PRKN: variants seen among roughly 807,000 people sequenced by gnomAD.
The protein encoded by PRKN is E3 ubiquitin-protein ligase parkin.
In PRKN, 56 loss-of-function variants were observed where a neutral mutation model predicts 59.5. The ratio of observed to expected loss-of-function variants is 0.94; its 90% confidence interval spans 0.76 to 1.18. PRKN has a LOEUF of 1.18. PRKN is among the 50% of genes most tolerant of loss of function. The pLI is 0.00. For synonymous variants in PRKN, 250 were observed against 222.1 expected (o/e 1.13, Z -1.12); for missense variants, 657 against 596.4 (o/e 1.10, Z -1.06).
At chr6:162,235,464 T>C (rs952289606) in intron 3 of PRKN, among the ~76,000 whole-genome samples, 5 of 152,128 alleles carry the variant, frequency 3.3e-5, no homozygotes, top group African/African-American at 4.8e-5. Context: ...ATTGTCAAGA[T>C]TGAATTTTAC....
rs1201633076 is a variant in PRKN at position 161,546,535 on chromosome 6, G to C, written c.1083+2319C>G. On this transcript the variant is annotated intron_variant, in intron 9 of 11. Transcript: ENST00000366898. This position sits in a 1 kb window ranked among gnomAD's most constrained non-coding sequence, Gnocchi z 4.4. ...AAGTGTATGGAGACTGGGGCAAAAA[G>C]ACAGGGAGGGAAAGGAAGGCATACA... Among the ~76,000 whole-genome samples, 1 of 152,186 alleles carries C rather than the reference G, an allele frequency of 6.6e-6. No individual in the cohort carries two copies. Among genetic ancestry groups the C allele is most frequent in the Non-Finnish European group, 1.5e-5 (1 of 68,040 alleles).
At chr6:161,914,749 GA>G (rs2128237693) in intron 6 of PRKN, among the ~76,000 whole-genome samples, 1 of 151,922 alleles carries the variant, frequency 6.6e-6, no homozygotes, top group East Asian at 1.9e-4. Context: ...AGTGTTTGGA[GA>G]AAAAGAAAAG....
At chr6:162,665,019 G>A (rs935345640) in intron 1 of PRKN, among the ~76,000 whole-genome samples, 3 of 152,118 alleles carry the variant, frequency 2.0e-5, no homozygotes, top group South Asian at 2.1e-4. Flanking sequence ...ACTAGATATC[G>A]ATGGAACATA....
chr6:162,708,796 T>C (rs1778424356), intron 1 of PRKN, among the ~76,000 whole-genome samples: 2 of 152,198 alleles, frequency 1.3e-5, no homozygotes, highest in Non-Finnish European at 2.9e-5. Context: ...TCCCTGGGCC[T>C]ACATATCTTA....
chr6:161,701,996 C>A (rs1034655647), intron 7 of PRKN, among the ~76,000 whole-genome samples: 6 of 152,204 alleles, frequency 3.9e-5, no homozygotes, highest in African/African-American at 1.4e-4. Flanking sequence ...GATGCTACTG[C>A]ACTTTTACTT....
chr6:161,648,795 C>T (rs1297542259), intron 7 of PRKN, among the ~76,000 whole-genome samples: 2 of 152,186 alleles, frequency 1.3e-5, no homozygotes, highest in Non-Finnish European at 2.9e-5. Flanking sequence ...GAACACATTT[C>T]ACAGAATGTC....
chr6:161,516,522 A>C (rs1778605443), intron 9 of PRKN, among the ~76,000 whole-genome samples: 1 of 144,948 alleles, frequency 6.9e-6, no homozygotes, highest in Non-Finnish European at 1.5e-5. Flanking sequence ...AAGAAGAAGA[A>C]GAAGAAGAAA....
intron 7 of PRKN, among the ~76,000 whole-genome samples, chr6:161,728,442 C>A (rs765651943): frequency 6.6e-5 from 10 of 152,148 alleles, no homozygotes; most frequent in Non-Finnish European, 1.3e-4. Context: ...CAGACTCGCA[C>A]TGCACCTGCC....
chr6:162,275,139 C>CTTAATATGTTT (rs1780576035), intron 2 of PRKN: 1 of 148,230 alleles, frequency 6.7e-6, no homozygotes, highest in African/African-American at 2.5e-5. Flanking sequence ...TAGGTTTAGG[C>CTTAATATGTTT]TTAATATGTT....
rs556164449 is a variant in PRKN at position 161,463,945 on chromosome 6, G to GT, written c.1084-77069dup. Among the ~76,000 whole-genome samples, 59 of 151,922 alleles carry GT rather than the reference G, an allele frequency of 3.9e-4. No individual in the cohort carries two copies. The South Asian group carries it at 3.9e-3, about 10-fold the overall frequency. ...ACATCAACATACAGAGACCTTTAGG[G>GT]TTTTTTTTGTTTTTGTTTTTGTTTT... On this transcript the variant is annotated intron_variant, in intron 9 of 11. Transcript: ENST00000366898. This position sits in a 1 kb window ranked among gnomAD's most constrained non-coding sequence, Gnocchi z 4.8.
chr6:161,994,448 C>A (rs899429901), intron 5 of PRKN, among the ~76,000 whole-genome samples: 1 of 151,962 alleles, frequency 6.6e-6, no homozygotes, highest in Non-Finnish European at 1.5e-5. Flanking sequence ...TACTCCAATT[C>A]AACATAGTAC....
At chr6:161,766,958 T>C (rs1789448749) in intron 7 of PRKN, among the ~76,000 whole-genome samples, 1 of 152,158 alleles carries the variant, frequency 6.6e-6, no homozygotes, top group African/African-American at 2.4e-5. Context: ...AAGGAGATTA[T>C]TAGTATCAAC....
intron 7 of PRKN, among the ~76,000 whole-genome samples, chr6:161,658,708 C>T (rs1370323981): frequency 6.6e-6 from 1 of 152,036 alleles, no homozygotes; most frequent in Non-Finnish European, 1.5e-5. Flanking sequence ...AAGAAGCAGA[C>T]ATTTAAAAAA....
intron 7 of PRKN, among the ~76,000 whole-genome samples, chr6:161,653,690 T>C (rs1331019451): frequency 6.6e-6 from 1 of 152,244 alleles, no homozygotes; most frequent in Non-Finnish European, 1.5e-5. Flanking sequence ...ATATATACTA[T>C]AAATACTTCA....
At chr6:161,701,206 G>C (rs1786237264) in intron 7 of PRKN, among the ~76,000 whole-genome samples, 1 of 152,196 alleles carries the variant, frequency 6.6e-6, no homozygotes, top group South Asian at 2.1e-4. Context: ...GTGCAGGAAA[G>C]AGTTCTTCCT....
rs569507355 is a variant in PRKN at position 162,125,280 on chromosome 6, C to T, written c.535-71106G>A. Among the ~76,000 whole-genome samples, 6 of 152,294 alleles carry T rather than the reference C, an allele frequency of 3.9e-5. No individual in the cohort carries two copies. The South Asian group carries it at 1.2e-3, about 32-fold the overall frequency. On this transcript the variant is annotated intron_variant, in intron 4 of 11. Transcript: ENST00000366898. ...GCTCCACGAATAACTGCATGTGAGTCCACGGGCGGCACCACACCTCAGAGG... is the reference window on the plus strand; with the variant it reads ...GCTCCACGAATAACTGCATGTGAGTTCACGGGCGGCACCACACCTCAGAGG...
chr6:162,572,952 T>C (rs1780407981), intron 1 of PRKN, among the ~76,000 whole-genome samples: 1 of 152,200 alleles, frequency 6.6e-6, no homozygotes, highest in African/African-American at 2.4e-5. Context: ...CTGTCATTAA[T>C]AAAGCTATCA....
chr6:161,993,536 C>T (rs1781728547), intron 5 of PRKN, among the ~76,000 whole-genome samples: 1 of 152,092 alleles, frequency 6.6e-6, no homozygotes, highest in South Asian at 2.1e-4. Flanking sequence ...AAGCTAAAAG[C>T]AATTCTTAAA....
At chr6:161,903,192 C>T (rs776473612) in intron 6 of PRKN, among the ~76,000 whole-genome samples, 4 of 152,168 alleles carry the variant, frequency 2.6e-5, no homozygotes, top group Admixed American at 1.3e-4. Context: ...GTGCTGGAGG[C>T]GGCTGCACTG....
Sources: allele counts gnomAD v4.1 joint callset (sites outside exome capture counted in the v4.1 genomes callset), GRCh38; gene constraint gnomAD v4.1.1; non-coding constraint Gnocchi (gnomAD v3.1); transcripts MANE v1.5; gene names NCBI Gene and HGNC (gene_info 2026-07-23, HGNC 2026-07-21).